Variants in ASTN2 observed in about 807,000 individuals in gnomAD.
ASTN2 encodes astrotactin-2.
In ASTN2, 54 loss-of-function variants were observed where a neutral mutation model predicts 139.8. The observed-to-expected ratio is 0.39, with a 90% CI of 0.31 to 0.48. The LOEUF is 0.48. Ranked by LOEUF, ASTN2 falls within the 20% of genes least tolerant of loss-of-function variation. The probability of loss-of-function intolerance (pLI) is 0.95; values close to 1 mark genes in which losing one functional copy is unlikely to be tolerated. For synonymous variants in ASTN2, 756 were observed against 719.5 expected (o/e 1.05, Z -0.81); for missense variants, 1,565 against 1,725.1 (o/e 0.91, Z 1.64).
At chr9:116,962,468 A>T (rs1377784318) in intron 10 of ASTN2, among the ~76,000 whole-genome samples, 2 of 152,192 alleles carry the variant, frequency 1.3e-5, no homozygotes, top group Admixed American at 1.3e-4. Context: ...CTAAGCCATG[A>T]TGGACTCATC....
chr9:116,942,110 ACACAC>A (rs1835257121), intron 10 of ASTN2, among the ~76,000 whole-genome samples: 13 of 130,292 alleles, frequency 1.0e-4, no homozygotes, highest in African/African-American at 3.9e-4. Context: ...ACACACACAC[ACACAC>A]CACACACACA....
intron 11 of ASTN2, among the ~76,000 whole-genome samples, chr9:116,843,140 G>A (rs191832984): frequency 5.9e-5 from 9 of 152,244 alleles, no homozygotes; most frequent in Non-Finnish European, 7.3e-5. Flanking sequence ...ACACGCAACC[G>A]TGTGTTCATT....
chr9:116,475,208 A>G (rs1261125655), intron 20 of ASTN2, among the ~76,000 whole-genome samples: 3 of 152,220 alleles, frequency 2.0e-5, no homozygotes, highest in Non-Finnish European at 1.5e-5. Context: ...TGGAAGATGT[A>G]TTAACACCAA....
At chr9:116,677,330 T>G (rs1859571174) in intron 16 of ASTN2, among the ~76,000 whole-genome samples, 1 of 152,186 alleles carries the variant, frequency 6.6e-6, no homozygotes, top group Admixed American at 6.5e-5. Flanking sequence ...AAACCTCTGT[T>G]TTCTTCATTA....
At chr9:117,183,521 C>A (rs1037204489) in intron 3 of ASTN2, among the ~76,000 whole-genome samples, 2 of 152,154 alleles carry the variant, frequency 1.3e-5, no homozygotes, top group Non-Finnish European at 2.9e-5. Flanking sequence ...TTATTGTCTC[C>A]ATTTTAGAAA....
intron 16 of ASTN2, among the ~76,000 whole-genome samples, chr9:116,703,511 G>A (rs978618931): frequency 2.1e-4 from 31 of 150,176 alleles, no homozygotes; most frequent in African/African-American, 7.6e-4. Context: ...TCACTCATAG[G>A]TGGGAATTGA....
At chr9:117,411,503 A>C (rs1831161073) in intron 1 of ASTN2, among the ~76,000 whole-genome samples, 1 of 151,982 alleles carries the variant, frequency 6.6e-6, no homozygotes, top group African/African-American at 2.4e-5. Flanking sequence ...TACCAATAAC[A>C]GAAACAAAAG....
intron 20 of ASTN2, among the ~76,000 whole-genome samples, chr9:116,454,435 T>C (rs1848266104): frequency 6.6e-6 from 1 of 152,070 alleles, no homozygotes; most frequent in Non-Finnish European, 1.5e-5. Context: ...TAGGAACACT[T>C]TTACACTGTT....
intron 16 of ASTN2, among the ~76,000 whole-genome samples, chr9:116,712,459 C>T (rs912206634): frequency 6.6e-6 from 1 of 152,164 alleles, no homozygotes; most frequent in Non-Finnish European, 1.5e-5. Flanking sequence ...TAGCACAGTA[C>T]CTGAAACATA....
intron 1 of ASTN2, among the ~76,000 whole-genome samples, chr9:117,308,419 C>T (rs1414634648): frequency 6.6e-6 from 1 of 152,152 alleles, no homozygotes; most frequent in African/African-American, 2.4e-5. Flanking sequence ...GAGGTGAAGG[C>T]ACTATTCTAA....
At chr9:116,607,118 G>A (rs1855247648) in intron 19 of ASTN2, among the ~76,000 whole-genome samples, 1 of 152,114 alleles carries the variant, frequency 6.6e-6, no homozygotes, top group Non-Finnish European at 1.5e-5. Context: ...TTTTTAGAAG[G>A]CTTACCATGT....
chr9:117,126,518 T>TG (rs1456480749), intron 4 of ASTN2, among the ~76,000 whole-genome samples: 3 of 152,222 alleles, frequency 2.0e-5, no homozygotes, highest in African/African-American at 7.2e-5. Flanking sequence ...CCAATAATTG[T>TG]GGTTTCCTAT....
At chr9:116,930,124 G>T (rs1308254139) in intron 10 of ASTN2, among the ~76,000 whole-genome samples, 1 of 152,186 alleles carries the variant, frequency 6.6e-6, no homozygotes, top group African/African-American at 2.4e-5. Context: ...AAGGGGATGG[G>T]CAGTGGAACA....
At chr9:116,478,564 G>A (rs1849066574) in intron 20 of ASTN2, among the ~76,000 whole-genome samples, 1 of 152,152 alleles carries the variant, frequency 6.6e-6, no homozygotes. Flanking sequence ...CACTGAGCAG[G>A]TTGGGTCACT....
chr9:117,118,631 A>G (rs1232714099), intron 4 of ASTN2, among the ~76,000 whole-genome samples: 2 of 152,168 alleles, frequency 1.3e-5, no homozygotes, highest in African/African-American at 4.8e-5. Flanking sequence ...CTAGTCTCCA[A>G]TGGATGCTCA....
intron 10 of ASTN2, among the ~76,000 whole-genome samples, chr9:116,930,879 G>A (rs1370292786): frequency 6.6e-6 from 1 of 151,932 alleles, no homozygotes; most frequent in Non-Finnish European, 1.5e-5. Flanking sequence ...GAGGCTCATG[G>A]ATTCTCCTTC....
At chr9:117,062,055 C>T (rs745953128) in intron 5 of ASTN2, among the ~76,000 whole-genome samples, 13 of 152,288 alleles carry the variant, frequency 8.5e-5, no homozygotes, top group South Asian at 2.1e-4. Flanking sequence ...TGGGATCTCA[C>T]GCAAGGTTTG....
chr9:116,804,137 G>C (rs1342657598), intron 13 of ASTN2, among the ~76,000 whole-genome samples: 3 of 152,120 alleles, frequency 2.0e-5, no homozygotes, highest in African/African-American at 7.2e-5. Flanking sequence ...AAGAGTATAT[G>C]ATGATTACAA....
rs79697617 is a variant in ASTN2, at chr9:117,386,584, G to A, written c.442+27913C>T. ...TTGGACTGCAGTTCTGGGAAGGAGA[G>A]CTGAAAAAGACATGGGAGGTGAGGT... On this transcript the variant is annotated intron_variant, in intron 1 of 22. Transcript: ENST00000313400. 2.3e-3 allele frequency among the ~76,000 whole-genome samples: 348 copies of A among 152,256 alleles called. 1 individual carries two copies. In the East Asian group the frequency reaches 0.033, roughly 14 times the overall value.
Sources: gnomAD v4.1 joint callset for allele counts (sites outside exome capture counted in the v4.1 genomes callset) on GRCh38, gnomAD v4.1.1 for gene constraint, MANE v1.5 for transcripts, NCBI Gene and HGNC (gene_info 2026-07-23, HGNC 2026-07-21) for gene names.